DDX43: variants seen among roughly 807,000 people sequenced by gnomAD.
The protein encoded by DDX43 is probable ATP-dependent RNA helicase DDX43.
DDX43 carries 50 observed loss-of-function variants against 84.9 expected under a neutral mutation model. The ratio of observed to expected loss-of-function variants is 0.59; its 90% CI spans 0.47 to 0.75. The LOEUF (loss-of-function observed/expected upper bound fraction) is 0.75, where lower values mean the gene tolerates loss of function less well. DDX43 is among the 30% of genes least tolerant of loss of function. The pLI, the probability that DDX43 is intolerant of heterozygous loss-of-function variation, is 0.00. For missense variants in DDX43, 689 were observed against 798.6 expected, an observed-to-expected ratio of 0.86 and a Z score of 1.65; for synonymous variants, 291 against 266.3, an observed-to-expected ratio of 1.09 and a Z score of -0.90.
intron 10 of DDX43, among the ~76,000 whole-genome samples, chr6:73,410,276 C>T (rs1312625315): frequency 1.3e-5 from 2 of 152,242 alleles, no homozygotes; most frequent in East Asian, 1.9e-4. Context: ...AAGCAATTCT[C>T]CTGTCTCAGC....
intron 11 of DDX43, among the ~76,000 whole-genome samples, chr6:73,412,842 T>G (rs562138509): frequency 3.3e-5 from 5 of 152,124 alleles, no homozygotes; most frequent in Admixed American, 1.3e-4. Flanking sequence ...GTGATTCTTG[T>G]GCCTCAGCCT....
chr6:73,394,877 C>G lies in DDX43; in HGVS notation c.-29C>G, dbSNP rs1769428455. On this transcript the variant is annotated 5_prime_UTR_variant, in exon 1 of 17. Transcript: ENST00000370336. ...CAGGTGGTGCAGAGCTGGACGGCAA[C>G]GACGTCGGACGCGCCCCTTCTTGGA... The G allele has an allele frequency of 3.1e-6, 5 of 1,609,894 alleles. No homozygotes were observed. Among genetic ancestry groups the G allele is most frequent in the Middle Eastern group, 1.7e-4 (1 of 6,028 alleles).
rs372562690 is a variant in DDX43 at position 73,401,840 on chromosome 6, A to T, written c.437-19A>T. The stretch of plus-strand genomic sequence containing the variant: ...AAAAAAAATAGAAAAAAACTAATCG[A>T]TACAAATGTTTTTAACAGATACTGC... On this transcript the variant is annotated intron_variant, in intron 3 of 16. Transcript: ENST00000370336. The T allele has an allele frequency of 9.4e-6, 15 of 1,588,762 alleles. No individual in the cohort carries two copies. Among genetic ancestry groups the T allele is most frequent in the Non-Finnish European group, 1.3e-5 (15 of 1,170,672 alleles).
chr6:73,401,618 C>T (rs374190750), intron 3 of DDX43, among the ~76,000 whole-genome samples: 3 of 152,036 alleles, frequency 2.0e-5, no homozygotes, highest in South Asian at 2.1e-4. Context: ...CTGGCTAACA[C>T]GGTGAAACCC....
At chr6:73,401,619 G>A (rs1030764539) in intron 3 of DDX43, among the ~76,000 whole-genome samples, 7 of 152,064 alleles carry the variant, frequency 4.6e-5, no homozygotes, top group Admixed American at 6.6e-5. Context: ...TGGCTAACAC[G>A]GTGAAACCCC....
At chr6:73,411,544 G>C (rs1453287268) in intron 10 of DDX43, among the ~76,000 whole-genome samples, 1 of 151,806 alleles carries the variant, frequency 6.6e-6, no homozygotes, top group Non-Finnish European at 1.5e-5. Flanking sequence ...GACCAGGCTG[G>C]TCTCAAACTC....
At chr6:73,395,861 G>C (rs1489745524) in intron 1 of DDX43, among the ~76,000 whole-genome samples, 1 of 152,116 alleles carries the variant, frequency 6.6e-6, no homozygotes, top group African/African-American at 2.4e-5. Flanking sequence ...GCCTAGAGCA[G>C]TTGTATCTTG....
intron 7 of DDX43, 31 bp from the exon 8 acceptor site, chr6:73,407,474 A>AAT: frequency 7.1e-7 from 1 of 1,410,362 alleles, no homozygotes; most frequent in Non-Finnish European, 1.0e-6. Context: ...TGAGACAAGT[A>AAT]ATTTAATATT....
Position 73,417,527 on chromosome 6 carries a change from A to G in DDX43, c.*366A>G, listed in dbSNP as rs1769926609. On this transcript the variant is annotated 3_prime_UTR_variant, in exon 17 of 17. Coordinates refer to ENST00000370336, the MANE Select transcript of DDX43 (RefSeq NM_018665.3). ...TTCAAACAAAGAATCAGCACCTGAAAAAATACTGTTAATAAATGTTCGTTT... is the reference window on the plus strand; with the variant it reads ...TTCAAACAAAGAATCAGCACCTGAAGAAATACTGTTAATAAATGTTCGTTT... The G allele has an allele frequency of 6.6e-6, 1 of 152,232 alleles. No individual in the cohort carries two copies. Among genetic ancestry groups the G allele is most frequent in the African/African-American group, 2.4e-5 (1 of 41,464 alleles). 9.4% of individuals were successfully genotyped at this position (152,232 alleles called of 1,614,324 possible).
chr6:73,403,475 GAAAAA>G (rs1330625386), intron 4 of DDX43, among the ~76,000 whole-genome samples: 1 of 141,774 alleles, frequency 7.1e-6, no homozygotes, highest in Admixed American at 6.9e-5. Context: ...ATCTCAAAAA[GAAAAA>G]AGAAAAGAAA....
At chr6:73,416,046 T>G (rs1769892060) in intron 15 of DDX43, 67 bp from the exon 16 acceptor site, 1 of 824,038 alleles carries the variant, frequency 1.2e-6, no homozygotes, top group African/African-American at 1.7e-5. Flanking sequence ...CTGAAATGAT[T>G]TGGATGCATT....
At chr6:73,403,909 C>T (rs776161855) in intron 4 of DDX43, among the ~76,000 whole-genome samples, 4 of 149,444 alleles carry the variant, frequency 2.7e-5, no homozygotes, top group Middle Eastern at 3.6e-3. Flanking sequence ...CCTCTGCCTC[C>T]TGGGTTCAAG....
intron 1 of DDX43, among the ~76,000 whole-genome samples, chr6:73,396,873 C>A (rs12662148): frequency 0.022 from 3,296 of 152,208 alleles, 277 homozygotes; most frequent in East Asian, 0.16. Flanking sequence ...CCAGGCTTAC[C>A]CATTTTGTAG....
chr6:73,411,396 T>C (rs1478037689), intron 10 of DDX43, among the ~76,000 whole-genome samples: 1 of 150,546 alleles, frequency 6.6e-6, no homozygotes, highest in Non-Finnish European at 1.5e-5. Context: ...TGGCATGATC[T>C]CCACTCACTG....
intron 14 of DDX43, 61 bp from the exon 15 acceptor site, chr6:73,415,436 T>G (rs971616901): frequency 2.1e-5 from 26 of 1,219,544 alleles, no homozygotes; most frequent in Middle Eastern, 3.9e-4. Context: ...AAAGTTTTCA[T>G]TTGTCTTATT....
intron 1 of DDX43, 77 bp from the exon 2 acceptor site, chr6:73,397,612 T>A: frequency 8.5e-7 from 1 of 1,172,176 alleles, no homozygotes; most frequent in African/African-American, 1.5e-5. Context: ...TAGAGAATGT[T>A]TGTTGAGGAA....
At chr6:73,399,101 C>T (rs1489286360) in intron 2 of DDX43, among the ~76,000 whole-genome samples, 1 of 152,012 alleles carries the variant, frequency 6.6e-6, no homozygotes, top group Non-Finnish European at 1.5e-5. Flanking sequence ...GCCCTTCCAG[C>T]TCACCTGGCT....
intron 10 of DDX43, among the ~76,000 whole-genome samples, chr6:73,411,633 G>A (rs984408692): frequency 6.6e-6 from 1 of 151,472 alleles, no homozygotes; most frequent in Non-Finnish European, 1.5e-5. Flanking sequence ...CACGGCCTTA[G>A]CTTTTCATAG....
At chr6:73,412,638 A>ATAGTGTGT (rs376258603) in intron 11 of DDX43, among the ~76,000 whole-genome samples, 8 of 59,628 alleles carry the variant, frequency 1.3e-4, no homozygotes, top group Non-Finnish European at 2.5e-4. Context: ...ATATATATAT[A>ATAGTGTGT]GTGTGTGTGT....
Sources: allele counts gnomAD v4.1 joint callset (sites outside exome capture counted in the v4.1 genomes callset), GRCh38; gene constraint gnomAD v4.1.1; transcripts MANE v1.5; gene names NCBI Gene and HGNC (gene_info 2026-07-23, HGNC 2026-07-21).